The following LOXL1 variants were observed in gnomAD, a reference collection of about 807,000 sequenced individuals.
LOXL1 encodes lysyl oxidase homolog 1.
Under a neutral mutation model 62.2 loss-of-function variants are expected in LOXL1, and 31 were observed. The ratio of observed to expected loss-of-function variants is 0.50; its 90% CI spans 0.37 to 0.67. The LOEUF is 0.67. Among genes scored for constraint, LOXL1 ranks in the 30% least tolerant of loss-of-function variants. The pLI is 0.00. For missense variants in LOXL1, 775 were observed against 843.4 expected (o/e 0.92, Z 1.00); for synonymous variants, 403 against 384.4 (o/e 1.05, Z -0.56).
chr15:73,947,999 T>C, intron 5 of LOXL1, 97 bp downstream of exon 5: 1 of 856,150 alleles, frequency 1.2e-6, no homozygotes, highest in South Asian at 1.8e-5. Flanking sequence ...GCCTGTTCCC[T>C]TCTCCCCAGC....
At chr15:73,946,674 C>G (rs1049911032) in intron 3 of LOXL1, 120 bp downstream of exon 3, 3 of 1,226,346 alleles carry the variant, frequency 2.4e-6, no homozygotes, top group Non-Finnish European at 3.3e-6. Context: ...GATTAGAGGG[C>G]CCGGGGAGGT....
chr15:73,938,275 G>GTATCTATCTATCTATCTATCTATC lies in LOXL1; in HGVS notation c.1103-4560_1103-4537dup, dbSNP rs138576407. On this transcript the variant is annotated intron_variant, in intron 1 of 6. Transcript: ENST00000261921. ...AGCCTGGGCAACAGAGCTAGACTCC[G>GTATCTATCTATCTATCTATCTATC]TATCTATCTATCTATCTATCTATCT... is the stretch of plus-strand genomic sequence containing the variant. 1.1e-3 allele frequency among the ~76,000 whole-genome samples: 161 copies of GTATCTATCTATCTATCTATCTATC among 140,720 alleles called. 2 individuals carry two copies. The highest frequency in any genetic ancestry group is 3.4e-3 in the Middle Eastern group (1 of 290). 92.3% of individuals were successfully genotyped at this position (140,720 alleles called of 152,430 possible).
Position 73,942,952 on chromosome 15 carries a change from TG to T in LOXL1, c.1202del (p.Cys401PhefsTer26). The T allele has an allele frequency of 6.2e-7, 1 of 1,613,260 alleles. No homozygotes were observed. The highest frequency in any genetic ancestry group is 1.6e-4 in the Middle Eastern group (1 of 6,062). On this transcript the variant is annotated frameshift_variant, in exon 2 of 7. Coordinates refer to ENST00000261921, the MANE Select transcript of LOXL1 (RefSeq NM_005576.4). LOFTEE classifies it high-confidence loss of function. ...CCTGCGCTGTGCTGCGGAGGAGAAG[TG>T]TCTGGCCAGGTAAGGAGCTGAGGCA... is the stretch of plus-strand genomic sequence containing the variant. The part of the protein sequence containing the change: ...YSLRCAAEEK[C>X]LASTAYAPEA...
chr15:73,938,439 C>T (rs906622472), intron 1 of LOXL1, among the ~76,000 whole-genome samples: 2 of 138,726 alleles, frequency 1.4e-5, no homozygotes, highest in African/African-American at 2.5e-5. Flanking sequence ...GGACTGGGCT[C>T]GGTGGCTCAC....
chr15:73,930,273 C>A lies in LOXL1; in HGVS notation c.1102+2388C>A, dbSNP rs2068626476. On this transcript the variant is annotated intron_variant, in intron 1 of 6. Transcript: ENST00000261921. The surrounding 1 kb of genome is among the most constrained non-coding windows in gnomAD (Gnocchi z 4.7). The stretch of plus-strand genomic sequence containing the variant: ...GGCTCAGGGAGACTTCCACAGGAAG[C>A]AATGTCTAAGCATTGCTGCAAGGGA... Among the ~76,000 whole-genome samples, 2 of 152,188 alleles carry A rather than the reference C, an allele frequency of 1.3e-5. No homozygotes were observed. The highest frequency in any genetic ancestry group is 4.1e-4 in the South Asian group (2 of 4,830).
chr15:73,928,040 C>G, intron 1 of LOXL1, 155 bp downstream of exon 1: 1 of 577,136 alleles, frequency 1.7e-6, no homozygotes, highest in Non-Finnish European at 2.6e-6. Context: ...CCGACCCAGC[C>G]AACAGCACCC....
In LOXL1 at chr15:73,945,336, C is replaced by G. The variant is rs1264427843; in HGVS notation, c.1212-1081C>G. The stretch of plus-strand genomic sequence containing the variant: ...ATGTAGATGGTATCGGGCTGTGCTG[C>G]AGTCAGTGCTGTTAGAGCTCACAGG... On this transcript the variant is annotated intron_variant, in intron 2 of 6. Coordinates refer to ENST00000261921, the MANE Select transcript of LOXL1 (RefSeq NM_005576.4). This position sits in a 1 kb window ranked among gnomAD's most constrained non-coding sequence, Gnocchi z 4.3. Among the ~76,000 whole-genome samples the G allele has an allele frequency of 6.6e-6, 1 of 152,198 alleles. No homozygotes were observed. The highest frequency in any genetic ancestry group is 2.4e-5 in the African/African-American group (1 of 41,454).
chr15:73,940,408 C>T (rs747788293), intron 1 of LOXL1, among the ~76,000 whole-genome samples: 3 of 152,220 alleles, frequency 2.0e-5, no homozygotes, highest in Middle Eastern at 3.4e-3. Flanking sequence ...TATAACCCTA[C>T]TCCACTCAGT....
rs1481314246 is a variant in LOXL1, at chr15:73,927,717, C to T, written c.934C>T (p.Pro312Ser). 8 of 1,468,758 alleles carry T rather than the reference C, an allele frequency of 5.4e-6. No individual in the cohort carries two copies. Among genetic ancestry groups the T allele is most frequent in the Non-Finnish European group, 7.2e-6 (8 of 1,116,936 alleles). 91.0% of individuals were successfully genotyped at this position (1,468,758 alleles called of 1,614,324 possible). The change falls in exon 1 of 7, where the codon CCC (proline) becomes TCC (serine). Residue 312 changes from proline to serine, a missense_variant. Transcript: ENST00000261921. ...AGACCCACGCCTGGGCTGGTACCCG[C>T]CCTACGCCAACCCGCCGCCCGAGGC... ...GGDPRLGWYPPYANPPPEAYG... is the reference protein window; with the variant it reads ...GGDPRLGWYPSYANPPPEAYG...
intron 1 of LOXL1, among the ~76,000 whole-genome samples, chr15:73,929,520 C>T (rs1015123730): frequency 1.3e-5 from 2 of 152,252 alleles, no homozygotes; most frequent in South Asian, 2.1e-4. Context: ...GGAACACTCA[C>T]TCTATCACAT....
At position 73,949,464 on chromosome 15, in the gene LOXL1, C is replaced by A. The variant is rs150012543; in HGVS notation, c.1608C>A (p.His536Gln). ...CTGTTTCTCTTCTTCCTCAGGTGCA[C>A]GTGAACCCAAAGTATATTGTTTTGG... ...VQPGNYILKV[H>Q]VNPKYIVLES... The change falls in exon 6 of 7, where the codon CAC becomes CAA. Residue 536 changes from histidine to glutamine, a missense_variant. Transcript: ENST00000261921. The A allele has an allele frequency of 6.2e-7, 1 of 1,607,524 alleles. No homozygotes were observed. Among genetic ancestry groups the A allele is most frequent in the Admixed American group, 1.7e-5 (1 of 60,020 alleles).
rs368210432 is a variant in LOXL1, at chr15:73,926,967, G to A, written c.184G>A (p.Val62Met). The change falls in exon 1 of 7, where the codon GTG (valine) becomes ATG (methionine). Residue 62 changes from valine (V) to methionine (M), a missense_variant. Transcript: ENST00000261921. ...YSLLNSGSEY[V>M]PAGPQRSESS... is the part of the protein sequence containing the mutation. Reference sequence around the variant, plus strand: ...CTTGCTCAACTCGGGCTCAGAGTACGTGCCGGCCGGACCTCAGCGCTCCGA... The same window carrying A: ...CTTGCTCAACTCGGGCTCAGAGTACATGCCGGCCGGACCTCAGCGCTCCGA... 3.3e-5 allele frequency: 50 copies of A among 1,533,858 alleles called. No homozygotes were observed. Among genetic ancestry groups the A allele is most frequent in the Admixed American group, 6.1e-5 (3 of 49,228 alleles).
intron 6 of LOXL1, among the ~76,000 whole-genome samples, chr15:73,950,070 G>A (rs1269461603): frequency 6.6e-6 from 1 of 152,166 alleles, no homozygotes; most frequent in African/African-American, 2.4e-5. Context: ...AACAGTCACA[G>A]ATTAGAAGTG....
chr15:73,926,473 G>T lies in LOXL1; in HGVS notation c.-311G>T. On this transcript the variant is annotated 5_prime_UTR_variant, in exon 1 of 7. Coordinates refer to ENST00000261921, the MANE Select transcript of LOXL1 (RefSeq NM_005576.4). ...CCTGTTGCTTATTCATTCAGAGTGGGAAAGCGCCAGCCGAGCGGCCAGCCA... is the reference window on the plus strand; with the variant it reads ...CCTGTTGCTTATTCATTCAGAGTGGTAAAGCGCCAGCCGAGCGGCCAGCCA... The T allele has an allele frequency of 3.3e-6, 1 of 299,814 alleles. No homozygotes were observed. 18.6% of individuals were successfully genotyped at this position (299,814 alleles called of 1,614,324 possible). A position where few individuals can be genotyped will look rare whatever the true frequency, so the allele number is the denominator to read the frequency against.
chr15:73,951,653 A>C (rs1365733185), intron 6 of LOXL1, among the ~76,000 whole-genome samples, 178 bp from the exon 7 acceptor site: 1 of 152,214 alleles, frequency 6.6e-6, no homozygotes, highest in East Asian at 1.9e-4. Flanking sequence ...GTGGGAGTCC[A>C]TCAAACCCCT....
chr15:73,941,410 T>A (rs9783739), intron 1 of LOXL1, among the ~76,000 whole-genome samples: 148,608 of 152,304 alleles, frequency 0.98, 72,520 homozygotes, highest in East Asian at 1. Context: ...GGGGATATGC[T>A]GGCAGACACT....
At chr15:73,931,980 G>C (rs559879737) in intron 1 of LOXL1, among the ~76,000 whole-genome samples, 1 of 152,360 alleles carries the variant, frequency 6.6e-6, no homozygotes, top group Non-Finnish European at 1.5e-5. Flanking sequence ...ATGAGGTGCA[G>C]ATTATGGTCC....
chr15:73,941,197 G>A (rs959435331), intron 1 of LOXL1, among the ~76,000 whole-genome samples: 2 of 152,172 alleles, frequency 1.3e-5, no homozygotes, highest in Admixed American at 6.5e-5. Context: ...ATTCCTAGGG[G>A]CTCAAGTAAC....
intron 2 of LOXL1, among the ~76,000 whole-genome samples, chr15:73,943,685 A>G (rs2068730131): frequency 6.6e-6 from 1 of 152,056 alleles, no homozygotes; most frequent in African/African-American, 2.4e-5. Context: ...CTTTGCGGAT[A>G]CCTCCCTGGG....
Sources: allele counts gnomAD v4.1 joint callset (sites outside exome capture counted in the v4.1 genomes callset), GRCh38; gene constraint gnomAD v4.1.1; non-coding constraint Gnocchi (gnomAD v3.1); transcripts MANE v1.5; gene names NCBI Gene and HGNC (gene_info 2026-07-23, HGNC 2026-07-21).